Variants in TOX2 observed in about 807,000 individuals in gnomAD.
The protein encoded by TOX2 is granulosa cell HMG box 1.
Under a neutral mutation model 47.4 loss-of-function variants are expected in TOX2, and 15 were observed. The observed-to-expected ratio is 0.32, with a 90% confidence interval of 0.21 to 0.49. TOX2 has a LOEUF of 0.49. Ranked by LOEUF, TOX2 falls within the 20% of genes least tolerant of loss-of-function variation. The pLI is 0.99. For missense variants in TOX2, 622 were observed against 673.1 expected (o/e 0.92, Z 0.84); for synonymous variants, 290 against 296.6 (o/e 0.98, Z 0.23).
At chr20:43,945,702 G>A (rs1383829936) in intron 1 of TOX2, 7 of 599,544 alleles carry the variant, frequency 1.2e-5, no homozygotes, top group Middle Eastern at 5.0e-4. Flanking sequence ...CGTGGAGACC[G>A]CCACCAGGAG....
intron 1 of TOX2, among the ~76,000 whole-genome samples, chr20:43,930,090 A>G (rs1216861294): frequency 6.6e-6 from 1 of 152,226 alleles, no homozygotes; most frequent in Non-Finnish European, 1.5e-5. Flanking sequence ...AACTTTAAGA[A>G]GCAATAGGCT....
At chr20:43,978,925 C>G (rs1347912375) in intron 2 of TOX2, among the ~76,000 whole-genome samples, 2 of 151,976 alleles carry the variant, frequency 1.3e-5, no homozygotes, top group Admixed American at 6.6e-5. Context: ...GGATCAAGAT[C>G]TAGATTGTGG....
intron 6 of TOX2, among the ~76,000 whole-genome samples, chr20:44,065,344 C>T (rs1412565589): frequency 1.4e-4 from 21 of 152,184 alleles, no homozygotes; most frequent in Admixed American, 1.4e-3. Context: ...GGCATCCAAA[C>T]TGGTCTATAA....
Position 44,068,855 on chromosome 20 carries a change from T to A in TOX2, c.*169T>A, listed in dbSNP as rs745974987. 5.4e-6 allele frequency: 5 copies of A among 925,948 alleles called. No homozygotes were observed. Among genetic ancestry groups the A allele is most frequent in the Non-Finnish European group, 8.7e-6 (5 of 577,964 alleles). 57.4% of individuals were successfully genotyped at this position (925,948 alleles called of 1,614,324 possible). ...TCTTCCTCAACCTCCCACCAGACTCTGCAGAGGCAGCCCACTGCCCACCAC... is the reference window on the plus strand; with the variant it reads ...TCTTCCTCAACCTCCCACCAGACTCAGCAGAGGCAGCCCACTGCCCACCAC... On this transcript the variant is annotated 3_prime_UTR_variant, in exon 9 of 9. Coordinates refer to ENST00000341197, the MANE Select transcript of TOX2 (RefSeq NM_001098797.2).
chr20:44,034,335 C>T (rs563911922), intron 3 of TOX2, among the ~76,000 whole-genome samples: 13 of 152,142 alleles, frequency 8.5e-5, no homozygotes, highest in Non-Finnish European at 1.9e-4. Flanking sequence ...ACCTGGGTTG[C>T]TGCACTGTTT....
At chr20:43,942,126 T>G (rs1222154153) in intron 1 of TOX2, among the ~76,000 whole-genome samples, 1 of 152,200 alleles carries the variant, frequency 6.6e-6, no homozygotes, top group Non-Finnish European at 1.5e-5. Context: ...CAAAGCACAG[T>G]AGAACCTCAG....
At chr20:43,932,100 C>G (rs1259384824) in intron 1 of TOX2, among the ~76,000 whole-genome samples, 2 of 152,014 alleles carry the variant, frequency 1.3e-5, no homozygotes, top group African/African-American at 4.8e-5. Flanking sequence ...AGTGGGGTAT[C>G]AAAGAAGACT....
At chr20:43,926,233 T>C (rs2069165840) in intron 1 of TOX2, among the ~76,000 whole-genome samples, 1 of 152,160 alleles carries the variant, frequency 6.6e-6, no homozygotes, top group African/African-American at 2.4e-5. Flanking sequence ...ATTCTGCAAA[T>C]ATTTCCTGTT....
Position 44,066,119 on chromosome 20 carries a change from A to C in TOX2, c.1356+12A>C, listed in dbSNP as rs1246668513. ...CTCCAGGGCCACAGGTAAGCAGGGA[A>C]GAGCAGAACAGCCCTTCTGTGACCG... On this transcript the variant is annotated intron_variant, in intron 7 of 8. Coordinates refer to ENST00000341197, the MANE Select transcript of TOX2 (RefSeq NM_001098797.2). 1 of 1,524,706 alleles carries C rather than the reference A, an allele frequency of 6.6e-7. No homozygotes were observed. The highest frequency in any genetic ancestry group is 8.8e-7 in the Non-Finnish European group (1 of 1,139,394). 94.4% of individuals were successfully genotyped at this position (1,524,706 alleles called of 1,614,324 possible). A position where few individuals can be genotyped will look rare whatever the true frequency, so the allele number is the denominator to read the frequency against.
rs568969850 is a variant in TOX2, at chr20:43,969,643, G to T, written c.100-3724G>T. Reference sequence around the variant, plus strand: ...TGGAACCCTGGCAGAGGTGGGCAAAGAACAGGCCTCCCCGCCCACTCAGGG... The same window carrying T: ...TGGAACCCTGGCAGAGGTGGGCAAATAACAGGCCTCCCCGCCCACTCAGGG... On this transcript the variant is annotated intron_variant, in intron 1 of 8. Coordinates refer to ENST00000341197, the MANE Select transcript of TOX2 (RefSeq NM_001098797.2). Among the ~76,000 whole-genome samples the T allele has an allele frequency of 1.4e-4, 22 of 152,360 alleles. No homozygotes were observed. In the South Asian group the frequency reaches 4.3e-3, roughly 30 times the overall value.
intron 2 of TOX2, among the ~76,000 whole-genome samples, chr20:44,002,606 A>G (rs897035331): frequency 6.6e-6 from 1 of 152,236 alleles, no homozygotes; most frequent in Non-Finnish European, 1.5e-5. Flanking sequence ...ACTTGAGACT[A>G]GATCTTTTAC....
At chr20:43,925,240 A>C (rs1180503863) in intron 1 of TOX2, among the ~76,000 whole-genome samples, 1 of 151,864 alleles carries the variant, frequency 6.6e-6, no homozygotes, top group Non-Finnish European at 1.5e-5. Flanking sequence ...TTGACATTTA[A>C]ATTTGTAAAT....
rs942871018 is a variant in TOX2 at position 44,063,147 on chromosome 20, T to C, written c.880-1630T>C. ...AAAAACAAAGGTAAATAGATGGGACTTAATTAAACTAAAAAGCTGCACAGC... is the reference window on the plus strand; with the variant it reads ...AAAAACAAAGGTAAATAGATGGGACCTAATTAAACTAAAAAGCTGCACAGC... On this transcript the variant is annotated intron_variant, in intron 5 of 8. Transcript: ENST00000341197. Among the ~76,000 whole-genome samples, 4 of 152,260 alleles carry C rather than the reference T, an allele frequency of 2.6e-5. No homozygotes were observed. In the South Asian group the frequency reaches 6.2e-4, roughly 24 times the overall value.
Position 44,051,350 on chromosome 20 carries a change from C to T in TOX2, c.456C>T (p.Gly152=). The stretch of plus-strand genomic sequence containing the variant: ...CGGAAGTGGCTGCCTATGACTCGGG[C>T]CGGCCCGGGCCCCTGCTGGGTCGCC... ...VHSEVAAYDS[G]RPGPLLGRPA... is the part of the protein sequence containing the mutation. The change falls in exon 4 of 9, where the codon GGC becomes GGT. Residue 152 remains glycine (G), a synonymous_variant. Transcript: ENST00000341197. 1 of 1,613,122 alleles carries T rather than the reference C, an allele frequency of 6.2e-7. No homozygotes were observed. Among genetic ancestry groups the T allele is most frequent in the East Asian group, 2.2e-5 (1 of 44,816 alleles).
At chr20:44,032,786 C>A (rs1473196444) in intron 3 of TOX2, among the ~76,000 whole-genome samples, 3 of 152,310 alleles carry the variant, frequency 2.0e-5, no homozygotes, top group African/African-American at 7.2e-5. Flanking sequence ...GGCTTGGTGA[C>A]CCGTATTTGC....
At chr20:44,019,936 C>T (rs1049502416) in intron 3 of TOX2, among the ~76,000 whole-genome samples, 3 of 152,152 alleles carry the variant, frequency 2.0e-5, no homozygotes, top group Admixed American at 6.5e-5. Context: ...TGAATGAGCT[C>T]CTCAAGAGAT....
intron 1 of TOX2, 119 bp from the exon 2 acceptor site, chr20:43,973,248 C>A: frequency 3.1e-6 from 3 of 962,234 alleles, no homozygotes; most frequent in East Asian, 2.5e-5. Flanking sequence ...CTCTGATTTG[C>A]CTTCTGCAGC....
At chr20:44,035,663 G>GGA (rs1423006278) in intron 3 of TOX2, among the ~76,000 whole-genome samples, 5 of 152,226 alleles carry the variant, frequency 3.3e-5, no homozygotes, top group Non-Finnish European at 7.3e-5. Context: ...TGATGCGTGG[G>GGA]GAGAGGCTGG....
intron 3 of TOX2, among the ~76,000 whole-genome samples, chr20:44,029,782 G>A (rs2071121464): frequency 6.6e-6 from 1 of 152,126 alleles, no homozygotes; most frequent in African/African-American, 2.4e-5. Flanking sequence ...GCTTCCAAAA[G>A]GGGGTCATTG....
Sources: allele counts gnomAD v4.1 joint callset (sites outside exome capture counted in the v4.1 genomes callset), GRCh38; gene constraint gnomAD v4.1.1; transcripts MANE v1.5; gene names NCBI Gene and HGNC (gene_info 2026-07-23, HGNC 2026-07-21).